The following LRRC4C variants were observed in gnomAD, a reference collection of about 807,000 sequenced individuals.
The protein encoded by LRRC4C is leucine-rich repeat-containing protein 4C.
LRRC4C carries 5 observed loss-of-function variants against 33.6 expected under a neutral mutation model. The ratio of observed to expected loss-of-function variants is 0.15; its 90% CI spans 0.08 to 0.31. The LOEUF (loss-of-function observed/expected upper bound fraction) is 0.31. LRRC4C is among the 10% of genes least tolerant of loss of function. The pLI is 1.00. For missense variants in LRRC4C, 560 were observed against 796.7 expected (o/e 0.70, Z 3.58); for synonymous variants, 329 against 302.0 (o/e 1.09, Z -0.93).
At chr11:40,131,215 A>G (rs1454118504) in intron 6 of LRRC4C, among the ~76,000 whole-genome samples, 1 of 152,226 alleles carries the variant, frequency 6.6e-6, no homozygotes, top group Non-Finnish European at 1.5e-5. Flanking sequence ...TAATGTATTG[A>G]AGTCCATTGC....
chr11:40,382,079 C>T (rs1207908429), intron 3 of LRRC4C, among the ~76,000 whole-genome samples: 4 of 146,928 alleles, frequency 2.7e-5, no homozygotes, highest in African/African-American at 7.5e-5. Flanking sequence ...GCCTCAGCTT[C>T]CCAAGTAGCT....
At chr11:40,625,472 G>A (rs745802350) in intron 3 of LRRC4C, among the ~76,000 whole-genome samples, 22 of 152,108 alleles carry the variant, frequency 1.4e-4, no homozygotes, top group Non-Finnish European at 3.2e-4. Context: ...CAGATCTCTT[G>A]AGACTTATTC....
intron 3 of LRRC4C, among the ~76,000 whole-genome samples, chr11:40,599,315 G>A (rs1266070594): frequency 1.3e-5 from 2 of 152,014 alleles, no homozygotes; most frequent in East Asian, 1.9e-4. Flanking sequence ...ACCAGGTTTC[G>A]TGGCATGCAT....
chr11:40,701,110 C>T (rs548216344), intron 2 of LRRC4C, among the ~76,000 whole-genome samples: 1 of 152,150 alleles, frequency 6.6e-6, no homozygotes, highest in South Asian at 2.1e-4. Context: ...TAAACTTGTC[C>T]CTGTGGTAAA....
intron 1 of LRRC4C, among the ~76,000 whole-genome samples, chr11:41,087,158 T>C (rs1235592811): frequency 6.6e-6 from 1 of 152,128 alleles, no homozygotes; most frequent in Non-Finnish European, 1.5e-5. Context: ...TTTAAGTTAA[T>C]CATTGCATTT....
Position 41,040,012 on chromosome 11 carries a change from C to T in LRRC4C, c.-495-106289G>A, listed in dbSNP as rs143594281. Among the ~76,000 whole-genome samples, 756 of 151,768 alleles carry T rather than the reference C, an allele frequency of 5.0e-3. 6 individuals are homozygous for T. The highest frequency in any genetic ancestry group is 0.017 in the African/African-American group (723 of 41,364). On this transcript the variant is annotated intron_variant, in intron 1 of 6. Transcript: ENST00000528697. ...AATTAGCCGGGCGTGGTGGCGGACC[C>T]CTGTAGTCACAGCTACTCGGGAGGC...
intron 2 of LRRC4C, among the ~76,000 whole-genome samples, chr11:40,896,634 G>C (rs1026602305): frequency 6.6e-6 from 1 of 151,404 alleles, no homozygotes; most frequent in African/African-American, 2.4e-5. Flanking sequence ...TTCATATGTA[G>C]ATAAGAGTAA....
intron 2 of LRRC4C, among the ~76,000 whole-genome samples, chr11:40,785,242 T>C (rs1333496277): frequency 1.3e-5 from 2 of 152,210 alleles, no homozygotes; most frequent in Non-Finnish European, 2.9e-5. Flanking sequence ...GCGAGATTTA[T>C]GAGTAATAAC....
chr11:40,611,458 A>G (rs1356258003), intron 3 of LRRC4C, among the ~76,000 whole-genome samples: 1 of 151,980 alleles, frequency 6.6e-6, no homozygotes, highest in Non-Finnish European at 1.5e-5. Context: ...TGGCTTTGAC[A>G]ATACTGTTTT....
chr11:40,898,324 G>T (rs1230702043), intron 2 of LRRC4C, among the ~76,000 whole-genome samples: 1 of 103,402 alleles, frequency 9.7e-6, no homozygotes, highest in Non-Finnish European at 1.7e-5. Flanking sequence ...ATTGTACCCA[G>T]CCTGGGCAAC....
intron 4 of LRRC4C, among the ~76,000 whole-genome samples, chr11:40,265,964 T>A (rs755138401): frequency 6.6e-6 from 1 of 152,148 alleles, no homozygotes; most frequent in Non-Finnish European, 1.5e-5. Flanking sequence ...AGTATTCAAG[T>A]AAAAACGTGC....
intron 1 of LRRC4C, among the ~76,000 whole-genome samples, chr11:40,994,243 C>A (rs1189863985): frequency 6.6e-6 from 1 of 152,036 alleles, no homozygotes; most frequent in Non-Finnish European, 1.5e-5. Context: ...TTACTCAAAT[C>A]CAAATAAATC....
chr11:41,064,352 G>T (rs774259321), intron 1 of LRRC4C, among the ~76,000 whole-genome samples: 6 of 151,986 alleles, frequency 3.9e-5, no homozygotes, highest in Non-Finnish European at 4.4e-5. Context: ...CATCAGTTCT[G>T]GTACAACATG....
At chr11:41,402,800 A>G (rs1954075969) in intron 1 of LRRC4C, among the ~76,000 whole-genome samples, 1 of 152,072 alleles carries the variant, frequency 6.6e-6, no homozygotes, top group South Asian at 2.1e-4. Flanking sequence ...GTCAGGTACC[A>G]TGAGCCTGAT....
intron 6 of LRRC4C, among the ~76,000 whole-genome samples, chr11:40,131,039 T>C (rs963300440): frequency 2.8e-4 from 42 of 152,186 alleles, no homozygotes; most frequent in African/African-American, 9.7e-4. Flanking sequence ...TGCATGTAAA[T>C]GTTTGGGAAT....
chr11:40,643,825 T>G (rs1199248062), intron 3 of LRRC4C, among the ~76,000 whole-genome samples: 1 of 152,090 alleles, frequency 6.6e-6, no homozygotes, highest in Non-Finnish European at 1.5e-5. Context: ...TACCTCCAAC[T>G]GCCATTAATT....
intron 1 of LRRC4C, among the ~76,000 whole-genome samples, chr11:41,090,121 G>T (rs1409247898): frequency 6.6e-6 from 1 of 152,078 alleles, no homozygotes; most frequent in Non-Finnish European, 1.5e-5. Context: ...TGCAAGGAAA[G>T]CCTGATTGAC....
chr11:40,920,002 A>G (rs562535660), intron 2 of LRRC4C, among the ~76,000 whole-genome samples: 5 of 152,168 alleles, frequency 3.3e-5, no homozygotes, highest in Non-Finnish European at 7.4e-5. Flanking sequence ...TAATATCCCT[A>G]CTAAGGGCTC....
chr11:41,363,853 T>G lies in LRRC4C; in HGVS notation c.-496+95578A>C, dbSNP rs1018786199. On this transcript the variant is annotated intron_variant, in intron 1 of 6. Transcript: ENST00000528697. ...CAGAATGGATTGCCTGCTTTCTGAC[T>G]AACAGAAGTTTCAGTTAAATTGTAG... Among the ~76,000 whole-genome samples, 3 of 152,138 alleles carry G rather than the reference T, an allele frequency of 2.0e-5. No homozygotes were observed. In the East Asian group the frequency reaches 5.8e-4, roughly 29 times the overall value.
Sources: allele counts gnomAD v4.1 joint callset (sites outside exome capture counted in the v4.1 genomes callset), GRCh38; gene constraint gnomAD v4.1.1; transcripts MANE v1.5; gene names NCBI Gene and HGNC (gene_info 2026-07-23, HGNC 2026-07-21).